The following DNAAF9 variants were observed in gnomAD, a reference collection of about 807,000 sequenced individuals.
DNAAF9 encodes the protein shulin.
DNAAF9 carries 90 observed loss-of-function variants against 167.0 expected under a neutral mutation model. The ratio of observed to expected loss-of-function variants is 0.54; its 90% CI spans 0.45 to 0.64. The LOEUF (loss-of-function observed/expected upper bound fraction) is 0.64. Ranked by LOEUF, DNAAF9 falls within the 30% of genes least tolerant of loss-of-function variation. DNAAF9 has a pLI of 0.00. For missense variants in DNAAF9, 1,315 were observed against 1,442.2 expected (o/e 0.91, Z 1.43); for synonymous variants, 491 against 508.8 (o/e 0.96, Z 0.47).
At chr20:3,362,028 A>G in intron 6 of DNAAF9, 4 of 1,483,638 alleles carry the variant, frequency 2.7e-6, no homozygotes, top group Admixed American at 1.7e-5. Context: ...TGGGTCCACC[A>G]CTCCATTAGA....
intron 7 of DNAAF9, among the ~76,000 whole-genome samples, chr20:3,350,148 G>GAC (rs1324124710): frequency 0.03 from 2,056 of 68,774 alleles, 45 homozygotes; most frequent in African/African-American, 0.097. Context: ...CAGACACACA[G>GAC]ACACACAGAC....
At chr20:3,374,626 T>C (rs2083551607) in intron 5 of DNAAF9, among the ~76,000 whole-genome samples, 1 of 152,254 alleles carries the variant, frequency 6.6e-6, no homozygotes, top group Admixed American at 6.5e-5. Context: ...ATACAAGCAC[T>C]GCTAAACTTG....
intron 7 of DNAAF9, among the ~76,000 whole-genome samples, chr20:3,350,449 TATAC>T (rs1434335772): frequency 6.6e-6 from 1 of 152,060 alleles, no homozygotes; most frequent in African/African-American, 2.4e-5. Context: ...TCTATCTATA[TATAC>T]ATACATACAC....
chr20:3,264,516 T>C lies in DNAAF9; in HGVS notation c.2795A>G (p.Asp932Gly). 6.7e-7 allele frequency: 1 copy of C among 1,495,932 alleles called. No individual in the cohort carries two copies. Among genetic ancestry groups the C allele is most frequent in the Non-Finnish European group, 9.3e-7 (1 of 1,073,174 alleles). 92.7% of individuals were successfully genotyped at this position (1,495,932 alleles called of 1,614,324 possible). A position where few individuals can be genotyped will look rare whatever the true frequency, so the allele number is the denominator to read the frequency against. The change falls in exon 31 of 37, where the codon GAC (aspartate) becomes GGC (glycine). Residue 932 changes from aspartate (D) to glycine (G), a missense_variant. Asp to Gly is a moderately conservative substitution (Grantham distance 94). Coordinates refer to ENST00000252032, the MANE Select transcript of DNAAF9 (RefSeq NM_001009984.3). ...AENGIVTRNE[D>G]IELILSENSF... ...GTTTTCTGAGAGAATCAGCTCAATG[T>C]CTTCATTCCTTTGAAAACACACAGA...
At chr20:3,348,863 T>C (rs1190875384) in intron 7 of DNAAF9, among the ~76,000 whole-genome samples, 1 of 152,090 alleles carries the variant, frequency 6.6e-6, no homozygotes, top group Non-Finnish European at 1.5e-5. Context: ...ATATGAAATA[T>C]CCAGAAAAAG....
At chr20:3,319,082 C>CAAAA (rs71195834) in intron 16 of DNAAF9, among the ~76,000 whole-genome samples, 7 of 71,132 alleles carry the variant, frequency 9.8e-5, no homozygotes, top group Non-Finnish European at 1.2e-4. Flanking sequence ...GACTCTGTCT[C>CAAAA]AAAAAAAAAA....
chr20:3,406,906 C>T (rs530669283), intron 1 of DNAAF9, among the ~76,000 whole-genome samples: 155 of 150,998 alleles, frequency 1.0e-3, no homozygotes, highest in African/African-American at 3.6e-3. Flanking sequence ...TCATTATGTA[C>T]GTAGGGGGCG....
In DNAAF9 at chr20:3,270,549, G is replaced by A. The variant is rs1278676429; in HGVS notation, c.2664C>T (p.Asn888=). ...LDQCSQGLVS[N]VVFTSHTTEQ... The stretch of plus-strand genomic sequence containing the variant: ...CCGTGGTGTGACTGGTGAATACCAC[G>A]TTACTCACCAGGCCTGGGAATAAAA... The change falls in exon 30 of 37, where the codon AAC becomes AAT. Residue 888 remains asparagine (N), a synonymous_variant. Coordinates refer to ENST00000252032, the MANE Select transcript of DNAAF9 (RefSeq NM_001009984.3). The A allele has an allele frequency of 1.2e-6, 2 of 1,612,580 alleles. No individual in the cohort carries two copies. Among genetic ancestry groups the A allele is most frequent in the Non-Finnish European group, 1.7e-6 (2 of 1,179,640 alleles).
chr20:3,400,853 G>C (rs750223568), intron 1 of DNAAF9, among the ~76,000 whole-genome samples: 1 of 152,174 alleles, frequency 6.6e-6, no homozygotes, highest in Non-Finnish European at 1.5e-5. Flanking sequence ...TGAAAAGGAA[G>C]TTATATATAG....
chr20:3,279,396 C>T (rs1203427132), intron 28 of DNAAF9, among the ~76,000 whole-genome samples: 1 of 152,212 alleles, frequency 6.6e-6, no homozygotes, highest in Non-Finnish European at 1.5e-5. Context: ...CCTTTAATCT[C>T]ATTCTTAACT....
intron 1 of DNAAF9, among the ~76,000 whole-genome samples, chr20:3,396,534 T>C (rs571926072): frequency 6.6e-6 from 1 of 152,262 alleles, no homozygotes; most frequent in African/African-American, 2.4e-5. Context: ...GTAAGTAAAA[T>C]ACACTTGTCA....
At chr20:3,400,796 C>T (rs965468) in intron 1 of DNAAF9, among the ~76,000 whole-genome samples, 28,815 of 152,158 alleles carry the variant, frequency 0.19, 2,944 homozygotes, top group African/African-American at 0.23. Flanking sequence ...AATGCCACAA[C>T]ACTCACTAAA....
chr20:3,367,193 C>G (rs989314629), intron 6 of DNAAF9, among the ~76,000 whole-genome samples: 6 of 152,220 alleles, frequency 3.9e-5, no homozygotes, highest in Admixed American at 6.5e-5. Flanking sequence ...AACTTTTCTT[C>G]TGCAGCTTCC....
chr20:3,394,780 T>C (rs1352313512), intron 1 of DNAAF9, among the ~76,000 whole-genome samples: 1 of 151,984 alleles, frequency 6.6e-6, no homozygotes, highest in Admixed American at 6.6e-5. Flanking sequence ...TCTGAGGCAT[T>C]TACCTATTCT....
In DNAAF9 at chr20:3,406,470, C is replaced by T. The variant is rs117287419; in HGVS notation, c.83+1005G>A. ...CCAAAGCTCATCGCTCGCATTCCCCCTCTCCCTCTCCTTCTCAAAGGTCTC... is the reference window on the plus strand; with the variant it reads ...CCAAAGCTCATCGCTCGCATTCCCCTTCTCCCTCTCCTTCTCAAAGGTCTC... On this transcript the variant is annotated intron_variant, in intron 1 of 36. Transcript: ENST00000252032. Among the ~76,000 whole-genome samples, 917 of 152,200 alleles carry T rather than the reference C, an allele frequency of 6.0e-3. 6 individuals carry two copies. The highest frequency in any genetic ancestry group is 0.01 in the Non-Finnish European group (683 of 68,028).
intron 29 of DNAAF9, among the ~76,000 whole-genome samples, chr20:3,274,901 G>A (rs1037348085): frequency 6.6e-6 from 1 of 152,200 alleles, no homozygotes; most frequent in Non-Finnish European, 1.5e-5. Flanking sequence ...TGGGGGGCAA[G>A]GAATAGTTTG....
intron 1 of DNAAF9, among the ~76,000 whole-genome samples, chr20:3,401,715 T>C (rs1248020709): frequency 6.6e-6 from 1 of 152,172 alleles, no homozygotes; most frequent in Non-Finnish European, 1.5e-5. Flanking sequence ...GGAAACAATG[T>C]GAGAAATGGC....
In DNAAF9 at chr20:3,315,947, T is replaced by G; in HGVS notation, c.1540-162A>C. On this transcript the variant is annotated intron_variant, in intron 18 of 36. Transcript: ENST00000252032. This position sits in a 1 kb window ranked among gnomAD's most constrained non-coding sequence, Gnocchi z 4.1. Reference sequence around the variant, plus strand: ...GCCCTGACACACCTGAGATGTCTGCTGGTCACCTGGGCTCAGAGCCCAAGG... The same window carrying G: ...GCCCTGACACACCTGAGATGTCTGCGGGTCACCTGGGCTCAGAGCCCAAGG... The G allele has an allele frequency of 1.5e-6, 1 of 656,590 alleles. No homozygotes were observed. Among genetic ancestry groups the G allele is most frequent in the Non-Finnish European group, 2.7e-6 (1 of 363,824 alleles). 40.7% of individuals were successfully genotyped at this position (656,590 alleles called of 1,614,324 possible).
chr20:3,380,631 T>C (rs1033227768), intron 3 of DNAAF9, among the ~76,000 whole-genome samples: 1 of 152,192 alleles, frequency 6.6e-6, no homozygotes, highest in African/African-American at 2.4e-5. Flanking sequence ...ACTACTGCAC[T>C]AGACACATAG....
Sources: allele counts gnomAD v4.1 joint callset (sites outside exome capture counted in the v4.1 genomes callset), GRCh38; gene constraint gnomAD v4.1.1; non-coding constraint Gnocchi (gnomAD v3.1); transcripts MANE v1.5; gene names NCBI Gene and HGNC (gene_info 2026-07-23, HGNC 2026-07-21).